The following MARCHF1 variants were observed in gnomAD, a reference collection of about 807,000 sequenced individuals.
MARCHF1 encodes E3 ubiquitin-protein ligase MARCHF1.
A neutral mutation model predicts 54.2 loss-of-function variants in MARCHF1; 40 were observed. The ratio of observed to expected loss-of-function variants is 0.74; its 90% CI spans 0.57 to 0.96. MARCHF1 has a LOEUF of 0.96. Among genes scored for constraint, MARCHF1 ranks in the 40% least tolerant of loss-of-function variants. MARCHF1 has a pLI of 0.00. For synonymous variants in MARCHF1, 236 were observed against 236.3 expected, an observed-to-expected ratio of 1.00 and a Z score of 0.01; for missense variants, 586 against 656.5, an observed-to-expected ratio of 0.89 and a Z score of 1.17.
chr4:163,804,638 G>A (rs973309175), intron 4 of MARCHF1, among the ~76,000 whole-genome samples: 1 of 152,112 alleles, frequency 6.6e-6, no homozygotes, highest in Admixed American at 6.6e-5. Context: ...GACCAAATAC[G>A]AGAAGTTTTA....
chr4:163,716,869 C>T (rs920552559), intron 4 of MARCHF1, among the ~76,000 whole-genome samples: 1 of 152,084 alleles, frequency 6.6e-6, no homozygotes, highest in Non-Finnish European at 1.5e-5. Flanking sequence ...TAGCAATCTT[C>T]TTGTTAATTG....
rs70948676 is a variant in MARCHF1, at chr4:163,912,065, GTTTTT to G, written c.-38-57901_-38-57897del. Among the ~76,000 whole-genome samples, 704 of 149,326 alleles carry G rather than the reference GTTTTT, an allele frequency of 4.7e-3. 5 individuals are homozygous for G. The highest frequency in any genetic ancestry group is 8.4e-3 in the Non-Finnish European group (565 of 67,358). On this transcript the variant is annotated intron_variant, in intron 3 of 9. Transcript: ENST00000514618. The stretch of plus-strand genomic sequence containing the variant: ...GTTATTAAGTCATCAGGAATGCAGG[GTTTTT>G]TTTTTTTTTTCCATGTTTTAGTTCT...
chr4:164,033,579 A>C (rs1239715601), intron 2 of MARCHF1, among the ~76,000 whole-genome samples: 1 of 151,968 alleles, frequency 6.6e-6, no homozygotes, highest in East Asian at 1.9e-4. Flanking sequence ...AAATTTACAC[A>C]AAAAAACAAA....
At chr4:164,264,076 A>G (rs968289398) in intron 1 of MARCHF1, among the ~76,000 whole-genome samples, 6 of 152,334 alleles carry the variant, frequency 3.9e-5, no homozygotes, top group African/African-American at 1.2e-4. Flanking sequence ...ACAATAGCAA[A>G]AGTATAGGAT....
At chr4:163,677,739 A>C (rs1743964550) in intron 5 of MARCHF1, among the ~76,000 whole-genome samples, 1 of 152,216 alleles carries the variant, frequency 6.6e-6, no homozygotes, top group Non-Finnish European at 1.5e-5. Flanking sequence ...ATTGAGGACT[A>C]CGACTTTCTA....
intron 1 of MARCHF1, among the ~76,000 whole-genome samples, chr4:164,147,133 C>G (rs1729771943): frequency 6.6e-6 from 1 of 152,112 alleles, no homozygotes; most frequent in African/African-American, 2.4e-5. Context: ...GATACCATCT[C>G]ACACCAGTTA....
intron 4 of MARCHF1, among the ~76,000 whole-genome samples, chr4:163,838,077 T>G (rs10857363): frequency 1 from 151,505 of 152,196 alleles, 75,411 homozygotes; most frequent in Middle Eastern, 1. Flanking sequence ...GTATTTCCTG[T>G]ATCAAATAAG....
intron 2 of MARCHF1, among the ~76,000 whole-genome samples, chr4:164,097,439 GTTA>G (rs1755440720): frequency 6.6e-6 from 1 of 151,908 alleles, no homozygotes; most frequent in South Asian, 2.1e-4. Flanking sequence ...CCATATTTTG[GTTA>G]TTATAGATAT....
chr4:163,740,286 G>A (rs1029475931), intron 4 of MARCHF1, among the ~76,000 whole-genome samples: 2 of 152,088 alleles, frequency 1.3e-5, no homozygotes, highest in East Asian at 1.9e-4. Context: ...TCCCAGTACC[G>A]GTCCTAGCTT....
At chr4:163,870,491 T>C (rs1750145764) in intron 3 of MARCHF1, among the ~76,000 whole-genome samples, 1 of 152,032 alleles carries the variant, frequency 6.6e-6, no homozygotes, top group Non-Finnish European at 1.5e-5. Flanking sequence ...ACACATTATT[T>C]AAAATTAATA....
intron 1 of MARCHF1, among the ~76,000 whole-genome samples, chr4:164,154,574 T>G (rs564055018): frequency 6.6e-5 from 10 of 152,168 alleles, no homozygotes; most frequent in African/African-American, 2.4e-4. Context: ...CACCACAAGC[T>G]CAAACCCCTT....
intron 1 of MARCHF1, among the ~76,000 whole-genome samples, chr4:164,113,341 T>C (rs7657603): frequency 0.011 from 1,676 of 152,158 alleles, 32 homozygotes; most frequent in African/African-American, 0.034. Flanking sequence ...GTTCCCCACA[T>C]GGCCTTTTGA....
chr4:163,797,015 T>G (rs1236263119), intron 4 of MARCHF1, among the ~76,000 whole-genome samples: 1 of 152,152 alleles, frequency 6.6e-6, no homozygotes, highest in Non-Finnish European at 1.5e-5. Context: ...TACTTAGAAT[T>G]AATTTTCAAT....
chr4:163,802,750 A>G (rs1020627040), intron 4 of MARCHF1, among the ~76,000 whole-genome samples: 1 of 152,196 alleles, frequency 6.6e-6, no homozygotes, highest in Non-Finnish European at 1.5e-5. Flanking sequence ...GACTTATTGC[A>G]TTTATAAAAG....
intron 1 of MARCHF1, among the ~76,000 whole-genome samples, chr4:164,360,231 A>T (rs2110922134): frequency 6.6e-6 from 1 of 152,282 alleles, no homozygotes; most frequent in Admixed American, 6.5e-5. Flanking sequence ...AAAGAAAAAA[A>T]AATCCAGATT....
chr4:163,545,434 T>C lies in MARCHF1; in HGVS notation c.1339+162A>G, dbSNP rs200342233. ...TATAGTTAATGCTTTTTAATCAGAG[T>C]ATTTTAATCAATAACATGATTAGGG... On this transcript the variant is annotated intron_variant, in intron 9 of 9. Transcript: ENST00000514618. 3.3e-4 allele frequency among the ~76,000 whole-genome samples: 51 copies of C among 152,304 alleles called. 1 individual carries two copies. The East Asian group carries it at 9.6e-3, about 29-fold the overall frequency.
At chr4:164,072,069 C>T (rs1162287883) in intron 2 of MARCHF1, among the ~76,000 whole-genome samples, 1 of 151,894 alleles carries the variant, frequency 6.6e-6, no homozygotes, top group African/African-American at 2.4e-5. Context: ...CACTTGTGCT[C>T]AGCACTTTTA....
intron 4 of MARCHF1, among the ~76,000 whole-genome samples, chr4:163,731,262 T>C (rs538749380): frequency 3.6e-4 from 55 of 152,262 alleles, no homozygotes; most frequent in African/African-American, 1.2e-3. Flanking sequence ...CACTGCAACA[T>C]TGCATGGTCA....
At chr4:163,842,256 C>T (rs1749361678) in intron 4 of MARCHF1, among the ~76,000 whole-genome samples, 4 of 151,920 alleles carry the variant, frequency 2.6e-5, no homozygotes, top group Admixed American at 2.0e-4. Flanking sequence ...AATGTGTCAC[C>T]TTGGGCGAGA....
Sources: gnomAD v4.1 joint callset for allele counts (sites outside exome capture counted in the v4.1 genomes callset) on GRCh38, gnomAD v4.1.1 for gene constraint, MANE v1.5 for transcripts, NCBI Gene and HGNC (gene_info 2026-07-23, HGNC 2026-07-21) for gene names.